WWOX: variants seen among roughly 807,000 people sequenced by gnomAD.
WWOX encodes WW domain-containing oxidoreductase.
Under a neutral mutation model 46.2 loss-of-function variants are expected in WWOX, and 69 were observed. The observed-to-expected ratio is 1.49, with a 90% CI of 1.23 to 1.82. WWOX has a LOEUF of 1.82. WWOX is among the 40% of genes most tolerant of loss of function. The pLI is 0.00. For missense variants in WWOX, 919 were observed against 542.6 expected (o/e 1.69, Z -6.89); for synonymous variants, 359 against 202.6 (o/e 1.77, Z -6.56).
chr16:78,398,770 G>A (rs1836188638), intron 6 of WWOX, among the ~76,000 whole-genome samples: 1 of 152,124 alleles, frequency 6.6e-6, no homozygotes, highest in Non-Finnish European at 1.5e-5. Context: ...AGCAAAGATG[G>A]GAAAGGATAC....
chr16:78,760,023 A>T (rs571988026), intron 8 of WWOX, among the ~76,000 whole-genome samples: 5 of 152,046 alleles, frequency 3.3e-5, no homozygotes, highest in Admixed American at 6.6e-5. Context: ...CTCATCCAGG[A>T]TGTATTTGTC....
chr16:78,861,543 G>T (rs1263656005), intron 8 of WWOX, among the ~76,000 whole-genome samples: 1 of 152,040 alleles, frequency 6.6e-6, no homozygotes, highest in African/African-American at 2.4e-5. Context: ...ATTATATATT[G>T]TTATTCATAG....
chr16:78,646,658 C>G (rs1434308884), intron 8 of WWOX, among the ~76,000 whole-genome samples: 1 of 152,190 alleles, frequency 6.6e-6, no homozygotes, highest in Admixed American at 6.5e-5. Context: ...AAACTCCTGA[C>G]CTCAGGTGAT....
At chr16:78,117,919 A>G (rs143851204) in intron 4 of WWOX, among the ~76,000 whole-genome samples, 1 of 152,320 alleles carries the variant, frequency 6.6e-6, no homozygotes, top group East Asian at 1.9e-4. Flanking sequence ...GGGCTGAAAC[A>G]TAACATAACA....
At chr16:78,373,499 T>G (rs750235420) in intron 5 of WWOX, among the ~76,000 whole-genome samples, 91 of 152,326 alleles carry the variant, frequency 6.0e-4, no homozygotes, top group Non-Finnish European at 1.1e-3. Flanking sequence ...ATATCTCACC[T>G]CAATGCAGTG....
At chr16:78,306,586 C>A (rs527865668) in intron 5 of WWOX, among the ~76,000 whole-genome samples, 1 of 152,242 alleles carries the variant, frequency 6.6e-6, no homozygotes, top group East Asian at 1.9e-4. Flanking sequence ...ATTTCTTACT[C>A]CAGATCAAAG....
At chr16:79,010,027 G>C (rs917881067) in intron 8 of WWOX, among the ~76,000 whole-genome samples, 2 of 152,192 alleles carry the variant, frequency 1.3e-5, no homozygotes, top group Non-Finnish European at 2.9e-5. Context: ...AATGGGTCTT[G>C]AGTATGCCTA....
intron 8 of WWOX, among the ~76,000 whole-genome samples, chr16:78,899,880 C>T (rs78619606): frequency 3.9e-5 from 6 of 152,072 alleles, no homozygotes; most frequent in Non-Finnish European, 8.8e-5. Context: ...AAATACAGCC[C>T]ATTAACACTT....
At chr16:78,874,307 G>A (rs997577281) in intron 8 of WWOX, among the ~76,000 whole-genome samples, 2 of 151,764 alleles carry the variant, frequency 1.3e-5, no homozygotes, top group African/African-American at 2.4e-5. Context: ...GAGGCCCTGA[G>A]TTGGGGAGTT....
chr16:78,639,535 A>C (rs1224780818), intron 8 of WWOX, among the ~76,000 whole-genome samples: 1 of 150,786 alleles, frequency 6.6e-6, no homozygotes, highest in African/African-American at 2.4e-5. Context: ...ATGGAGAGAG[A>C]GGCCTCCCCT....
chr16:78,805,783 G>C (rs1167468344), intron 8 of WWOX, among the ~76,000 whole-genome samples: 4 of 152,094 alleles, frequency 2.6e-5, no homozygotes, highest in Non-Finnish European at 5.9e-5. Flanking sequence ...TCCAGTTTTT[G>C]TTTTGTTTTT....
intron 8 of WWOX, among the ~76,000 whole-genome samples, chr16:78,853,794 C>T (rs993843083): frequency 6.6e-6 from 1 of 152,020 alleles, no homozygotes; most frequent in Non-Finnish European, 1.5e-5. Flanking sequence ...CCAAGAGATG[C>T]CATAAGCAGT....
At chr16:78,633,121 G>C (rs539255354) in intron 8 of WWOX, among the ~76,000 whole-genome samples, 3 of 152,100 alleles carry the variant, frequency 2.0e-5, no homozygotes, top group Non-Finnish European at 4.4e-5. Context: ...AATTAGCCGG[G>C]TGTGGTGGCG....
intron 8 of WWOX, among the ~76,000 whole-genome samples, chr16:78,527,480 G>A (rs1434817406): frequency 6.6e-6 from 1 of 151,936 alleles, no homozygotes; most frequent in Admixed American, 6.6e-5. Flanking sequence ...TTTTTGTAGA[G>A]GTGGAGTTTC....
chr16:78,611,641 C>T (rs574166067), intron 8 of WWOX, among the ~76,000 whole-genome samples: 2 of 152,312 alleles, frequency 1.3e-5, no homozygotes, highest in South Asian at 2.1e-4. Flanking sequence ...TTAGATGCTG[C>T]GTTAGCCAGC....
At chr16:78,912,068 C>T (rs866901566) in intron 8 of WWOX, among the ~76,000 whole-genome samples, 2 of 151,950 alleles carry the variant, frequency 1.3e-5, no homozygotes, top group Non-Finnish European at 1.5e-5. Flanking sequence ...CCAATTATGG[C>T]CTTCATGAGT....
chr16:78,531,426 G>C (rs1337736368), intron 8 of WWOX, among the ~76,000 whole-genome samples: 2 of 152,178 alleles, frequency 1.3e-5, no homozygotes, highest in African/African-American at 4.8e-5. Flanking sequence ...GGACAGTAAG[G>C]ATGTGACTAT....
chr16:78,260,270 G>T (rs903851287), intron 5 of WWOX, among the ~76,000 whole-genome samples: 1 of 151,580 alleles, frequency 6.6e-6, no homozygotes, highest in Admixed American at 6.6e-5. Flanking sequence ...TGTTAAAAGA[G>T]AAACAAACAG....
Position 78,590,929 on chromosome 16 carries a change from C to A in WWOX, c.1056+158177C>A, listed in dbSNP as rs185661425. On this transcript the variant is annotated intron_variant, in intron 8 of 8. Transcript: ENST00000566780. Reference sequence around the variant, plus strand: ...ACTGTGCATTTCTAAATCTGAGTTTCTGCACACGTATGGAGGAGTAATATG... The same window carrying A: ...ACTGTGCATTTCTAAATCTGAGTTTATGCACACGTATGGAGGAGTAATATG... 7.9e-5 allele frequency among the ~76,000 whole-genome samples: 12 copies of A among 152,272 alleles called. No individual in the cohort carries two copies. The East Asian group carries it at 2.3e-3, about 29-fold the overall frequency.
Sources: allele counts gnomAD v4.1 joint callset (sites outside exome capture counted in the v4.1 genomes callset), GRCh38; gene constraint gnomAD v4.1.1; transcripts MANE v1.5; gene names NCBI Gene and HGNC (gene_info 2026-07-23, HGNC 2026-07-21).